SLC39A12: variants seen among roughly 807,000 people sequenced by gnomAD.
The protein encoded by SLC39A12 is zinc transporter ZIP12.
Under a neutral mutation model 71.1 loss-of-function variants are expected in SLC39A12, and 63 were observed. The ratio of observed to expected loss-of-function variants is 0.89; its 90% CI spans 0.72 to 1.09. SLC39A12 has a LOEUF of 1.09. Among genes scored for constraint, SLC39A12 ranks in the 50% least tolerant of loss-of-function variants. The pLI is 0.00. For synonymous variants in SLC39A12, 351 were observed against 301.3 expected (o/e 1.16, Z -1.71); for missense variants, 892 against 812.6 (o/e 1.10, Z -1.19).
chr10:17,962,306 T>C (rs1255168149), intron 3 of SLC39A12, among the ~76,000 whole-genome samples: 2 of 152,186 alleles, frequency 1.3e-5, no homozygotes, highest in Non-Finnish European at 2.9e-5. Context: ...AAGAAGCAGC[T>C]TGCAAAAAGC....
At chr10:17,963,234 C>G (rs887315520) in intron 3 of SLC39A12, among the ~76,000 whole-genome samples, 3 of 152,054 alleles carry the variant, frequency 2.0e-5, no homozygotes, top group Non-Finnish European at 4.4e-5. Flanking sequence ...CTACCTAAAC[C>G]AGGAGGCGTG....
chr10:18,008,305 G>T (rs142505430), intron 12 of SLC39A12, among the ~76,000 whole-genome samples: 2 of 152,108 alleles, frequency 1.3e-5, no homozygotes, highest in African/African-American at 4.8e-5. Flanking sequence ...TGTGAACTGC[G>T]CATGTGAGGG....
intron 2 of SLC39A12, 44 bp from the exon 3 acceptor site, chr10:17,961,537 C>A: frequency 6.4e-7 from 1 of 1,556,918 alleles, no homozygotes; most frequent in Non-Finnish European, 8.7e-7. Flanking sequence ...AACTATTTTG[C>A]TAAGCTTTGT....
At chr10:18,034,533 A>G (rs1836942078) in intron 12 of SLC39A12, among the ~76,000 whole-genome samples, 2 of 151,192 alleles carry the variant, frequency 1.3e-5, no homozygotes, top group South Asian at 2.1e-4. Context: ...TTTTGAGCCT[A>G]TGTGTGTCTC....
chr10:17,960,037 G>T (rs1834647596), intron 2 of SLC39A12, among the ~76,000 whole-genome samples: 1 of 152,110 alleles, frequency 6.6e-6, no homozygotes, highest in South Asian at 2.1e-4. Flanking sequence ...TTAGACCCAG[G>T]GGTTTATATA....
chr10:18,024,014 G>A (rs1377666233), intron 12 of SLC39A12, among the ~76,000 whole-genome samples: 1 of 152,132 alleles, frequency 6.6e-6, no homozygotes, highest in Non-Finnish European at 1.5e-5. Context: ...AGGGGTGGGG[G>A]CTGCAGCAGT....
chr10:18,008,186 G>A (rs1298592041), intron 12 of SLC39A12, among the ~76,000 whole-genome samples: 1 of 152,188 alleles, frequency 6.6e-6, no homozygotes, highest in Non-Finnish European at 1.5e-5. Context: ...CGGCAGGTGA[G>A]CAAGCGAAGC....
intron 4 of SLC39A12, among the ~76,000 whole-genome samples, chr10:17,967,525 A>G (rs1190039366): frequency 6.6e-6 from 1 of 152,284 alleles, no homozygotes; most frequent in African/African-American, 2.4e-5. Context: ...TGACACTTTG[A>G]CAGTTTTTAA....
At chr10:18,024,937 C>T (rs1836633133) in intron 12 of SLC39A12, among the ~76,000 whole-genome samples, 1 of 152,116 alleles carries the variant, frequency 6.6e-6, no homozygotes, top group Non-Finnish European at 1.5e-5. Flanking sequence ...CACTTATATA[C>T]CTTTCTCCAA....
intron 4 of SLC39A12, among the ~76,000 whole-genome samples, chr10:17,976,224 G>A (rs1030589689): frequency 1.3e-5 from 2 of 152,120 alleles, no homozygotes; most frequent in South Asian, 4.1e-4. Context: ...ATGATTGGTG[G>A]AGGCTTCTAT....
At chr10:17,970,674 TTGTGTGTGTGTGTG>T (rs61528284) in intron 4 of SLC39A12, among the ~76,000 whole-genome samples, 12,791 of 145,490 alleles carry the variant, frequency 0.088, 717 homozygotes, top group Non-Finnish European at 0.13. Flanking sequence ...TTCTAATAGT[TTGTGTGTGTGTGTG>T]TGTGTGTGTG....
At chr10:18,012,451 A>G (rs1259919327) in intron 12 of SLC39A12, among the ~76,000 whole-genome samples, 3 of 152,198 alleles carry the variant, frequency 2.0e-5, no homozygotes, top group South Asian at 2.1e-4. Flanking sequence ...ATATGTAACC[A>G]TCTCCACCAA....
chr10:17,976,081 T>C (rs903055727), intron 4 of SLC39A12, among the ~76,000 whole-genome samples: 1 of 152,166 alleles, frequency 6.6e-6, no homozygotes, highest in Non-Finnish European at 1.5e-5. Context: ...AGACTGTTTT[T>C]TCTGCCTCTT....
At position 17,961,858 on chromosome 10, in the gene SLC39A12, G is replaced by T; in HGVS notation, c.539G>T (p.Ser180Ile). The T allele has an allele frequency of 6.2e-7, 1 of 1,611,234 alleles. No individual in the cohort carries two copies. The highest frequency in any genetic ancestry group is 8.5e-7 in the Non-Finnish European group (1 of 1,178,874). Residue 180 changes from serine to isoleucine, a missense_variant, in exon 3 of 13, where the codon AGC (serine) becomes ATC (isoleucine). Coordinates refer to ENST00000377369, the MANE Select transcript of SLC39A12 (RefSeq NM_001145195.2). ...AGGCAGTACTTTGACACTTCTCAAA[G>T]CCAGGTAAGAAGGCAAAATTGCTAA... ...FTRQYFDTSQ[S>I]QCMETKTLQK...
intron 4 of SLC39A12, among the ~76,000 whole-genome samples, chr10:17,972,151 CTT>C (rs1469680616): frequency 2.0e-5 from 3 of 152,092 alleles, no homozygotes; most frequent in East Asian, 1.9e-4. Flanking sequence ...AAAAATTCCT[CTT>C]GTTATTGATT....
At chr10:17,982,605 A>G (rs899618703) in intron 6 of SLC39A12, among the ~76,000 whole-genome samples, 3 of 152,180 alleles carry the variant, frequency 2.0e-5, no homozygotes, top group African/African-American at 4.8e-5. Flanking sequence ...TTCTACATTC[A>G]CTAAGAGAAA....
At chr10:17,967,208 A>T (rs968654912) in intron 4 of SLC39A12, among the ~76,000 whole-genome samples, 25 of 152,192 alleles carry the variant, frequency 1.6e-4, no homozygotes, top group African/African-American at 5.8e-4. Flanking sequence ...GTCATCTATC[A>T]CGCATTTCTA....
At chr10:17,960,530 AGTG>A (rs1190416712) in intron 2 of SLC39A12, among the ~76,000 whole-genome samples, 1 of 152,234 alleles carries the variant, frequency 6.6e-6, no homozygotes, top group Non-Finnish European at 1.5e-5. Context: ...ATACCTCTTA[AGTG>A]CCAGGTATTG....
intron 10 of SLC39A12, among the ~76,000 whole-genome samples, chr10:17,997,645 T>C (rs1835724956): frequency 1.3e-5 from 2 of 152,190 alleles, no homozygotes; most frequent in Admixed American, 6.5e-5. Context: ...GAGCTTGGCA[T>C]GCAGAATGAA....
Sources: allele counts gnomAD v4.1 joint callset (sites outside exome capture counted in the v4.1 genomes callset), GRCh38; gene constraint gnomAD v4.1.1; transcripts MANE v1.5; gene names NCBI Gene and HGNC (gene_info 2026-07-23, HGNC 2026-07-21).